Variants in DNAH8 observed in about 807,000 individuals in gnomAD.
The protein encoded by DNAH8 is dynein axonemal heavy chain 8.
Under a neutral mutation model 562.1 loss-of-function variants are expected in DNAH8, and 382 were observed. The observed-to-expected ratio is 0.68, with a 90% CI of 0.63 to 0.74. The LOEUF (loss-of-function observed/expected upper bound fraction) is 0.74. Ranked by LOEUF, DNAH8 falls within the 30% of genes least tolerant of loss-of-function variation. The pLI is 0.00. For missense variants in DNAH8, 5,203 were observed against 5,620.4 expected, an observed-to-expected ratio of 0.93 and a Z score of 2.37; for synonymous variants, 1,881 against 1,919.4, an observed-to-expected ratio of 0.98 and a Z score of 0.52.
intron 33 of DNAH8, among the ~76,000 whole-genome samples, chr6:38,838,270 A>G (rs994366980): frequency 3.9e-5 from 6 of 152,194 alleles, no homozygotes; most frequent in Admixed American, 2.0e-4. Flanking sequence ...TTGAGCATGC[A>G]TGGTCTATAT....
chr6:38,832,243 A>G, intron 30 of DNAH8, 79 bp from the exon 31 acceptor site: 1 of 825,728 alleles, frequency 1.2e-6, no homozygotes, highest in Non-Finnish European at 2.0e-6. Context: ...TGTGAGATAC[A>G]CTTGTTGGAA....
At position 39,026,597 on chromosome 6, in the gene DNAH8, C is replaced by T. The variant is rs2150800992; in HGVS notation, c.13766C>T (p.Ala4589Val). The change falls in exon 92 of 93, where the codon GCA becomes GTA. Residue 4589 changes from alanine to valine, a missense_variant. Ala to Val is a moderately conservative substitution (Grantham distance 64). Transcript: ENST00000327475. ...GTGACCCGTGCCCACAAAGGCTGGG[C>T]ACTGGACACTGTGACCATCCACAAT... ...QEVTRAHKGW[A>V]LDTVTIHNEV... 1 of 1,613,384 alleles carries T rather than the reference C, an allele frequency of 6.2e-7. No individual in the cohort carries two copies. Among genetic ancestry groups the T allele is most frequent in the Non-Finnish European group, 8.5e-7 (1 of 1,179,750 alleles).
At chr6:38,900,797 A>G (rs1780023286) in intron 62 of DNAH8, among the ~76,000 whole-genome samples, 1 of 152,032 alleles carries the variant, frequency 6.6e-6, no homozygotes, top group African/African-American at 2.4e-5. Flanking sequence ...TTGTATTTTT[A>G]GTAGAGACGG....
chr6:38,763,326 C>T (rs1205445651), intron 11 of DNAH8: 2 of 213,134 alleles, frequency 9.4e-6, no homozygotes, highest in Non-Finnish European at 9.3e-6. Context: ...TTTATTCCTT[C>T]TGGTATAGTT....
At chr6:38,852,221 C>T (rs548325144) in intron 39 of DNAH8, among the ~76,000 whole-genome samples, 2 of 152,250 alleles carry the variant, frequency 1.3e-5, no homozygotes, top group African/African-American at 4.8e-5. Flanking sequence ...GTGGGAGGCA[C>T]AGAAGGTCCC....
At chr6:38,880,088 A>C (rs1182602234) in intron 53 of DNAH8, among the ~76,000 whole-genome samples, 1 of 151,902 alleles carries the variant, frequency 6.6e-6, no homozygotes, top group Non-Finnish European at 1.5e-5. Context: ...ACTAAAAAAA[A>C]ACAAAAAAAT....
intron 75 of DNAH8, chr6:38,931,368 A>T (rs1225244775): frequency 6.6e-6 from 1 of 152,272 alleles, no homozygotes; most frequent in Non-Finnish European, 1.5e-5. Context: ...TATGCTTCAG[A>T]TATACCTATG....
At position 38,815,664 on chromosome 6, in the gene DNAH8, A is replaced by G. The variant is rs1396990131; in HGVS notation, c.3523+7A>G. On this transcript the variant is annotated splice_region_variant and intron_variant, in intron 26 of 92. Transcript: ENST00000327475. ...CTGCTGAAGAAGGAAGAAAGTAAGA[A>G]TGTAAAATTAGTCAATGATCTTACT... 6.2e-7 allele frequency: 1 copy of G among 1,605,314 alleles called. No individual in the cohort carries two copies.
In DNAH8 at chr6:38,796,660, CTGAT is replaced by C. The variant is rs1770282151; in HGVS notation, c.2901+4988_2901+4991del. 5.3e-5 allele frequency among the ~76,000 whole-genome samples: 8 copies of C among 152,164 alleles called. No homozygotes were observed. In the South Asian group the frequency reaches 1.7e-3, roughly 32 times the overall value. On this transcript the variant is annotated intron_variant, in intron 21 of 92. Coordinates refer to ENST00000327475, the MANE Select transcript of DNAH8 (RefSeq NM_001206927.2). ...AATCCCTGTCCTGTTCTGTTTCGTT[CTGAT>C]TACCGGTGCATGCAGCCCGCAGTCA... is the stretch of plus-strand genomic sequence containing the variant.
intron 21 of DNAH8, among the ~76,000 whole-genome samples, chr6:38,798,512 G>A (rs1439727346): frequency 6.6e-6 from 1 of 152,144 alleles, no homozygotes; most frequent in East Asian, 1.9e-4. Context: ...TGTTCATGAC[G>A]TGTTATAGAG....
chr6:38,747,841 A>G (rs1165875595), intron 8 of DNAH8, among the ~76,000 whole-genome samples: 1 of 152,318 alleles, frequency 6.6e-6, no homozygotes, highest in East Asian at 1.9e-4. Flanking sequence ...CCAAATTTTG[A>G]GACTTAGTTT....
intron 15 of DNAH8, among the ~76,000 whole-genome samples, chr6:38,780,865 T>C (rs1768516066): frequency 6.6e-6 from 1 of 152,128 alleles, no homozygotes; most frequent in African/African-American, 2.4e-5. Flanking sequence ...AAAACTATCA[T>C]ATTGCCCCCG....
chr6:38,979,009 G>A (rs1160364910), intron 85 of DNAH8, among the ~76,000 whole-genome samples: 1 of 152,170 alleles, frequency 6.6e-6, no homozygotes, highest in East Asian at 1.9e-4. Context: ...CTTGAAGCAC[G>A]TGACCACTGA....
rs749459270 is a variant in DNAH8 at position 38,899,919 on chromosome 6, A to G, written c.9194+13A>G. Reference sequence around the variant, plus strand: ...TAACATTAACCAGGTAGGATGAAATAAAACACAATATGTTTTTCTATAGTT... The same window carrying G: ...TAACATTAACCAGGTAGGATGAAATGAAACACAATATGTTTTTCTATAGTT... On this transcript the variant is annotated intron_variant, in intron 62 of 92. Transcript: ENST00000327475. 5.8e-6 allele frequency: 9 copies of G among 1,546,698 alleles called. No individual in the cohort carries two copies. In the South Asian group the frequency reaches 1.1e-4, roughly 19 times the overall value.
At chr6:38,969,480 G>A (rs1344985546) in intron 82 of DNAH8, among the ~76,000 whole-genome samples, 1 of 152,066 alleles carries the variant, frequency 6.6e-6, no homozygotes, top group African/African-American at 2.4e-5. Flanking sequence ...ATGCTAAGAA[G>A]CAGGGGAAGG....
intron 88 of DNAH8, among the ~76,000 whole-genome samples, chr6:38,990,711 C>T (rs1764724623): frequency 6.6e-6 from 1 of 152,128 alleles, no homozygotes; most frequent in South Asian, 2.1e-4. Context: ...GACACAGATG[C>T]ACAGCCCCGG....
At chr6:38,736,318 T>C (rs1764085571) in intron 5 of DNAH8, among the ~76,000 whole-genome samples, 1 of 152,164 alleles carries the variant, frequency 6.6e-6, no homozygotes, top group Admixed American at 6.5e-5. Flanking sequence ...AGCCATGTGG[T>C]GTAACAGTGG....
At chr6:38,847,012 C>T (rs1398710053) in intron 36 of DNAH8, among the ~76,000 whole-genome samples, 1 of 152,130 alleles carries the variant, frequency 6.6e-6, no homozygotes, top group Admixed American at 6.5e-5. Flanking sequence ...AAAGCCTGTT[C>T]CAGAACTAAC....
At chr6:38,981,770 A>G (rs1382977074) in intron 85 of DNAH8, among the ~76,000 whole-genome samples, 2 of 152,214 alleles carry the variant, frequency 1.3e-5, no homozygotes, top group Non-Finnish European at 2.9e-5. Context: ...GTGGAGACCT[A>G]GACTTTTTTT....
Sources: gnomAD v4.1 joint callset for allele counts (sites outside exome capture counted in the v4.1 genomes callset) on GRCh38, gnomAD v4.1.1 for gene constraint, MANE v1.5 for transcripts, NCBI Gene and HGNC (gene_info 2026-07-23, HGNC 2026-07-21) for gene names.